Variants in SLC30A9 observed in about 807,000 individuals in gnomAD.
SLC30A9 encodes solute carrier family 30 member 9.
Under a neutral mutation model 87.5 loss-of-function variants are expected in SLC30A9, and 58 were observed. That is an observed-to-expected ratio of 0.66 (90% CI 0.54 to 0.82). SLC30A9 has a LOEUF of 0.82. SLC30A9 is among the 40% of genes least tolerant of loss of function. The probability of loss-of-function intolerance (pLI) is 0.00; values close to 1 mark genes in which losing one functional copy is unlikely to be tolerated. For missense variants in SLC30A9, 557 were observed against 679.1 expected (o/e 0.82, Z 2.00); for synonymous variants, 234 against 233.0 (o/e 1.00, Z -0.04).
intron 1 of SLC30A9, among the ~76,000 whole-genome samples, chr4:41,992,422 A>G (rs1383543608): frequency 6.6e-6 from 1 of 152,202 alleles, no homozygotes; most frequent in African/African-American, 2.4e-5. Context: ...TTTCTAACAC[A>G]ATTGTTTCTA....
intron 7 of SLC30A9, among the ~76,000 whole-genome samples, chr4:42,038,676 A>G (rs1716789392): frequency 6.6e-6 from 1 of 152,362 alleles, no homozygotes; most frequent in South Asian, 2.1e-4. Context: ...TTCTTAGAGC[A>G]TATGAATTTC....
rs775119057 is a variant in SLC30A9 at position 42,023,340 on chromosome 4, G to C, written c.566G>C (p.Arg189Thr). ...EVWGSPEALA[R>T]EKKLRKEAEI... ...TGGGGAAGCCCTGAAGCTCTTGCCA[G>C]AGAGAAAAAATTGCGTAAGGAAGCA... Residue 189 changes from arginine to threonine, a missense_variant, in exon 6 of 18, where the codon AGA becomes ACA. Arg to Thr is a moderately conservative substitution (Grantham distance 71, BLOSUM62 -1). Around this residue, in one of 2 missense-constraint regions of SLC30A9, gnomAD observed 467 missense variants for 529.8 expected, o/e 0.88. Transcript: ENST00000264451. 10 of 1,613,524 alleles carry C rather than the reference G, an allele frequency of 6.2e-6. No homozygotes were observed. The highest frequency in any genetic ancestry group is 8.5e-6 in the Non-Finnish European group (10 of 1,179,564).
intron 7 of SLC30A9, among the ~76,000 whole-genome samples, chr4:42,036,485 G>GC (rs373251447): frequency 1.9e-4 from 29 of 152,194 alleles, no homozygotes; most frequent in African/African-American, 6.0e-4. Context: ...AAAGTCCCCA[G>GC]CACCTTTAAG....
At chr4:42,076,131 A>T (rs1217556027) in intron 16 of SLC30A9, among the ~76,000 whole-genome samples, 2 of 152,162 alleles carry the variant, frequency 1.3e-5, no homozygotes, top group African/African-American at 4.8e-5. Flanking sequence ...AGTGCCACAG[A>T]GATGGAGTCA....
chr4:41,997,721 A>G (rs1340182917), intron 1 of SLC30A9, among the ~76,000 whole-genome samples: 1 of 152,248 alleles, frequency 6.6e-6, no homozygotes, highest in Admixed American at 6.5e-5. Context: ...AAATAATACC[A>G]TGAGGAATCA....
At chr4:42,053,863 A>G (rs1717491377) in intron 9 of SLC30A9, among the ~76,000 whole-genome samples, 1 of 152,120 alleles carries the variant, frequency 6.6e-6, no homozygotes, top group South Asian at 2.1e-4. Flanking sequence ...GGAATGAAGT[A>G]CTTTTCTGAC....
At chr4:41,996,694 T>C (rs1362569725) in intron 1 of SLC30A9, among the ~76,000 whole-genome samples, 1 of 152,074 alleles carries the variant, frequency 6.6e-6, no homozygotes, top group Non-Finnish European at 1.5e-5. Flanking sequence ...CAGTGAACCA[T>C]GATTGCACCA....
intron 17 of SLC30A9, among the ~76,000 whole-genome samples, chr4:42,084,736 G>A (rs574927342): frequency 8.3e-4 from 127 of 152,242 alleles, no homozygotes; most frequent in African/African-American, 2.7e-3. Context: ...CTCCCAGAGT[G>A]CTGGGATTAC....
intron 1 of SLC30A9, among the ~76,000 whole-genome samples, chr4:41,993,505 TAAAAATGC>T (rs1345160230): frequency 6.6e-6 from 1 of 152,124 alleles, no homozygotes; most frequent in Non-Finnish European, 1.5e-5. Context: ...AAGTGGCCAA[TAAAAATGC>T]AAAAATGTTC....
chr4:42,039,642 T>A (rs904498222), intron 8 of SLC30A9, among the ~76,000 whole-genome samples: 3 of 152,076 alleles, frequency 2.0e-5, no homozygotes, highest in African/African-American at 7.2e-5. Flanking sequence ...TTTGTATTTT[T>A]AGTAGAGATG....
At chr4:42,058,404 A>C (rs1400068474) in intron 9 of SLC30A9, among the ~76,000 whole-genome samples, 1 of 152,184 alleles carries the variant, frequency 6.6e-6, no homozygotes, top group Non-Finnish European at 1.5e-5. Context: ...GTCTCTAGGA[A>C]ATTCCAAACT....
At chr4:42,065,276 T>A in intron 11 of SLC30A9, 34 bp from the exon 12 acceptor site, 1 of 1,053,112 alleles carries the variant, frequency 9.5e-7, no homozygotes, top group Non-Finnish European at 1.5e-6. Context: ...TGGAAGTACT[T>A]AATTTATGCT....
intron 15 of SLC30A9, among the ~76,000 whole-genome samples, chr4:42,073,723 A>G (rs1052874188): frequency 5.9e-5 from 9 of 152,206 alleles, no homozygotes; most frequent in African/African-American, 2.2e-4. Context: ...CAGCTTGCTT[A>G]ATCAAAGCGT....
At chr4:42,024,261 C>T (rs570197053) in intron 6 of SLC30A9, among the ~76,000 whole-genome samples, 3 of 152,118 alleles carry the variant, frequency 2.0e-5, no homozygotes, top group Non-Finnish European at 4.4e-5. Context: ...ATCCCAGCTA[C>T]TCAGGAGGCT....
Position 42,067,112 on chromosome 4 carries a change from A to T in SLC30A9, c.1172A>T (p.Asn391Ile), listed in dbSNP as rs1307693744. ...YVMESRDPST[N>I]VILLEDTAAV... The stretch of plus-strand genomic sequence containing the variant: ...ATGGAAAGTCGTGATCCTAGTACAA[A>T]TGTGATATTATTGGAGGATACTGCT... Residue 391 changes from asparagine (N) to isoleucine (I), a missense_variant, in exon 14 of 18, where the codon AAT becomes ATT. Around this residue, in one of 2 missense-constraint regions of SLC30A9, gnomAD observed 467 missense variants for 529.8 expected, o/e 0.88. Coordinates refer to ENST00000264451, the MANE Select transcript of SLC30A9 (RefSeq NM_006345.4). The T allele has an allele frequency of 6.2e-7, 1 of 1,612,268 alleles. No individual in the cohort carries two copies. The highest frequency in any genetic ancestry group is 1.1e-5 in the South Asian group (1 of 91,034).
rs1716910488 is a variant in SLC30A9, at chr4:42,041,257, A to G, written c.737+2204A>G. ...GGAGACACAGAGCCAAACCATATCA[A>G]GGAGTGTCAAGAAAGCCAAGGGAAG... On this transcript the variant is annotated intron_variant, in intron 8 of 17. Coordinates refer to ENST00000264451, the MANE Select transcript of SLC30A9 (RefSeq NM_006345.4). 2.0e-5 allele frequency among the ~76,000 whole-genome samples: 3 copies of G among 152,132 alleles called. No individual in the cohort carries two copies. The South Asian group carries it at 6.2e-4, about 32-fold the overall frequency.
rs1473050141 is a variant in SLC30A9 at position 41,990,555 on chromosome 4, C to G, written c.-97C>G. The G allele has an allele frequency of 3.0e-6, 2 of 668,232 alleles. No homozygotes were observed. The highest frequency in any genetic ancestry group is 3.3e-5 in the Admixed American group (1 of 30,572). 41.4% of individuals were successfully genotyped at this position (668,232 alleles called of 1,614,324 possible). A position where few individuals can be genotyped will look rare whatever the true frequency, so the allele number is the denominator to read the frequency against. On this transcript the variant is annotated 5_prime_UTR_variant, in exon 1 of 18. In the 5' UTR this introduces an upstream ATG that the reference lacks. Transcript: ENST00000264451. The stretch of plus-strand genomic sequence containing the variant: ...AGGCAGCTTGTGGCGGCGAAGCCAT[C>G]GGTGTTCGCTGATGTCCAGTCTATG...
intron 1 of SLC30A9, among the ~76,000 whole-genome samples, chr4:41,998,731 T>G (rs1413496269): frequency 2.0e-5 from 3 of 152,184 alleles, no homozygotes; most frequent in Non-Finnish European, 4.4e-5. Context: ...CCTAAAGTGT[T>G]GGGATTACAG....
intron 9 of SLC30A9, among the ~76,000 whole-genome samples, chr4:42,051,864 T>TTA (rs1717395963): frequency 6.6e-6 from 1 of 151,984 alleles, no homozygotes; most frequent in African/African-American, 2.4e-5. Context: ...ATGAGGCTAG[T>TTA]ATAACCCTGA....
Sources: allele counts gnomAD v4.1 joint callset (sites outside exome capture counted in the v4.1 genomes callset), GRCh38; gene constraint gnomAD v4.1.1; regional missense constraint gnomAD v4.1.1; transcripts MANE v1.5; gene names NCBI Gene and HGNC (gene_info 2026-07-23, HGNC 2026-07-21).